ADGRL3: variants seen among roughly 807,000 people sequenced by gnomAD.
ADGRL3 encodes the protein calcium-independent alpha-latrotoxin receptor 3.
A neutral mutation model predicts 153.5 loss-of-function variants in ADGRL3; 62 were observed. The ratio of observed to expected loss-of-function variants is 0.40; its 90% CI spans 0.33 to 0.50. The LOEUF is 0.50. Ranked by LOEUF, ADGRL3 falls within the 20% of genes least tolerant of loss-of-function variation. The pLI, the probability that ADGRL3 is intolerant of heterozygous loss-of-function variation, is 0.47. For synonymous variants in ADGRL3, 710 were observed against 672.5 expected, an observed-to-expected ratio of 1.06 and a Z score of -0.86; for missense variants, 1,641 against 1,859.4, an observed-to-expected ratio of 0.88 and a Z score of 2.16.
At chr4:61,869,782 T>C (rs1193729832) in intron 9 of ADGRL3, among the ~76,000 whole-genome samples, 2 of 149,130 alleles carry the variant, frequency 1.3e-5, no homozygotes, top group African/African-American at 4.9e-5. Context: ...CTACTAAAAA[T>C]ACAAAATTGG....
At chr4:61,361,602 G>A (rs1256992827) in intron 1 of ADGRL3, among the ~76,000 whole-genome samples, 1 of 152,136 alleles carries the variant, frequency 6.6e-6, no homozygotes, top group African/African-American at 2.4e-5. Context: ...TCACGATATT[G>A]TGAAGATTAG....
At chr4:61,477,375 A>G (rs1405570387) in intron 2 of ADGRL3, among the ~76,000 whole-genome samples, 2 of 151,984 alleles carry the variant, frequency 1.3e-5, no homozygotes, top group African/African-American at 4.8e-5. Flanking sequence ...TGTTACACAC[A>G]CACACACACA....
intron 21 of ADGRL3, among the ~76,000 whole-genome samples, chr4:62,016,117 C>T (rs1294500208): frequency 6.6e-6 from 1 of 151,708 alleles, no homozygotes; most frequent in Non-Finnish European, 1.5e-5. Context: ...GGCCTGATCT[C>T]GGCTCACTGA....
chr4:61,851,368 C>G lies in ADGRL3; in HGVS notation c.1480+37479C>G, dbSNP rs142717233. Among the ~76,000 whole-genome samples, 5 of 152,120 alleles carry G rather than the reference C, an allele frequency of 3.3e-5. No individual in the cohort carries two copies. In the East Asian group the frequency reaches 9.7e-4, roughly 29 times the overall value. On this transcript the variant is annotated intron_variant, in intron 9 of 26. Transcript: ENST00000683033. ...TTAGGAGACCAAGGCAGGAGGATCA[C>G]TTGAGACCAGGAGTTTGAGACCTGC... is the stretch of plus-strand genomic sequence containing the variant.
At chr4:61,366,264 A>G (rs1243891879) in intron 1 of ADGRL3, among the ~76,000 whole-genome samples, 1 of 152,212 alleles carries the variant, frequency 6.6e-6, no homozygotes. Flanking sequence ...ATTTTATGGA[A>G]CATTTAAGTG....
At position 61,860,973 on chromosome 4, in the gene ADGRL3, C is replaced by T. The variant is rs373492520; in HGVS notation, c.1481-31683C>T. 3.9e-5 allele frequency among the ~76,000 whole-genome samples: 6 copies of T among 152,116 alleles called. 1 individual carries two copies. The East Asian group carries it at 9.6e-4, about 24-fold the overall frequency. On this transcript the variant is annotated intron_variant, in intron 9 of 26. Transcript: ENST00000683033. ...TCCTAAGCCACACTGCCAAATATTA[C>T]GGCATTAAATCACTCATCATTTTGT...
At chr4:61,418,329 T>G (rs563912028) in intron 2 of ADGRL3, among the ~76,000 whole-genome samples, 12 of 152,326 alleles carry the variant, frequency 7.9e-5, no homozygotes, top group Non-Finnish European at 1.8e-4. Flanking sequence ...AAGTAGAGAA[T>G]CAATACTGGG....
chr4:61,277,179 G>T lies in ADGRL3; in HGVS notation c.-240+75414G>T, dbSNP rs569732241. Among the ~76,000 whole-genome samples the T allele has an allele frequency of 2.6e-5, 4 of 152,188 alleles. No individual in the cohort carries two copies. The South Asian group carries it at 8.3e-4, about 32-fold the overall frequency. ...GTTCAGTTTCTGACATTGCCACATA[G>T]TGGATGTATAATTTGGGACCAATAA... On this transcript the variant is annotated intron_variant, in intron 1 of 26. Coordinates refer to ENST00000683033, the MANE Select transcript of ADGRL3 (RefSeq NM_001387552.1).
chr4:61,262,438 AT>A (rs1485258004), intron 1 of ADGRL3, among the ~76,000 whole-genome samples: 1 of 152,044 alleles, frequency 6.6e-6, no homozygotes, highest in Admixed American at 6.6e-5. Context: ...TAAGGTCGCC[AT>A]TGTGTTGTTT....
chr4:61,955,876 T>C (rs2098964224), intron 17 of ADGRL3, among the ~76,000 whole-genome samples: 1 of 152,212 alleles, frequency 6.6e-6, no homozygotes, highest in African/African-American at 2.4e-5. Flanking sequence ...TCATTCCTTT[T>C]TATGGCTGCA....
intron 6 of ADGRL3, among the ~76,000 whole-genome samples, chr4:61,728,436 G>T (rs901937972): frequency 6.6e-6 from 1 of 152,004 alleles, no homozygotes; most frequent in Non-Finnish European, 1.5e-5. Flanking sequence ...CCATCAAAGT[G>T]TAGGATAATA....
chr4:61,278,607 G>A (rs1034060925), intron 1 of ADGRL3, among the ~76,000 whole-genome samples: 14 of 152,066 alleles, frequency 9.2e-5, no homozygotes, highest in African/African-American at 3.4e-4. Flanking sequence ...GGGTTCAAGT[G>A]ATTCTCCTAC....
chr4:61,675,382 G>A (rs1472659054), intron 5 of ADGRL3, among the ~76,000 whole-genome samples: 2 of 151,904 alleles, frequency 1.3e-5, no homozygotes, highest in African/African-American at 4.8e-5. Context: ...TATAGACTTA[G>A]TGCCAATATT....
At chr4:61,746,726 A>G (rs1580590308) in intron 8 of ADGRL3, among the ~76,000 whole-genome samples, 1 of 152,256 alleles carries the variant, frequency 6.6e-6, no homozygotes, top group African/African-American at 2.4e-5. Context: ...AGGGAAATTT[A>G]TAGCACTAAA....
chr4:61,241,457 C>T (rs1348457485), intron 1 of ADGRL3, among the ~76,000 whole-genome samples: 1 of 151,800 alleles, frequency 6.6e-6, no homozygotes, highest in Non-Finnish European at 1.5e-5. Flanking sequence ...TTATCAATAC[C>T]CATGTTAGCT....
Position 61,637,195 on chromosome 4 carries a change from G to A in ADGRL3, c.474-39631G>A, listed in dbSNP as rs190681119. Among the ~76,000 whole-genome samples, 129 of 152,190 alleles carry A rather than the reference G, an allele frequency of 8.5e-4. 1 individual carries two copies. Among genetic ancestry groups the A allele is most frequent in the Non-Finnish European group, 1.6e-3 (110 of 68,008 alleles). On this transcript the variant is annotated intron_variant, in intron 5 of 26. Transcript: ENST00000683033. Reference sequence around the variant, plus strand: ...CCAAAGATGTAATTAGTTAAGATAAGGTCATATCAGAGTAGAGTGGACTTC... The same window carrying A: ...CCAAAGATGTAATTAGTTAAGATAAAGTCATATCAGAGTAGAGTGGACTTC...
At chr4:61,435,945 A>G (rs189369588) in intron 2 of ADGRL3, among the ~76,000 whole-genome samples, 33 of 151,852 alleles carry the variant, frequency 2.2e-4, no homozygotes, top group African/African-American at 8.0e-4. Context: ...TAGTAGTCAC[A>G]TTTTAAAATT....
chr4:61,812,979 T>C (rs1243672007), intron 8 of ADGRL3, among the ~76,000 whole-genome samples: 1 of 152,224 alleles, frequency 6.6e-6, no homozygotes, highest in Non-Finnish European at 1.5e-5. Flanking sequence ...AAATTAATCA[T>C]AATTGTAAAG....
intron 6 of ADGRL3, among the ~76,000 whole-genome samples, chr4:61,726,930 A>G (rs2096358710): frequency 6.6e-6 from 1 of 152,176 alleles, no homozygotes; most frequent in South Asian, 2.1e-4. Context: ...AAACATTAAA[A>G]TTGAATACAA....
Sources: allele counts gnomAD v4.1 joint callset (sites outside exome capture counted in the v4.1 genomes callset), GRCh38; gene constraint gnomAD v4.1.1; transcripts MANE v1.5; gene names NCBI Gene and HGNC (gene_info 2026-07-23, HGNC 2026-07-21).